STPG2: variants seen among roughly 807,000 people sequenced by gnomAD.
The protein encoded by STPG2 is sperm-tail PG-rich repeat-containing protein 2.
STPG2 carries 56 observed loss-of-function variants against 54.2 expected under a neutral mutation model. The ratio of observed to expected loss-of-function variants is 1.03; its 90% CI spans 0.83 to 1.29. The LOEUF is 1.29. STPG2 is among the 50% of genes most tolerant of loss of function. The pLI, the probability that STPG2 is intolerant of heterozygous loss-of-function variation, is 0.00. For synonymous variants in STPG2, 200 were observed against 181.8 expected (o/e 1.10, Z -0.81); for missense variants, 596 against 544.9 (o/e 1.09, Z -0.93).
chr4:98,066,398 G>T (rs1398227800), intron 5 of STPG2, among the ~76,000 whole-genome samples: 1 of 152,014 alleles, frequency 6.6e-6, no homozygotes, highest in Non-Finnish European at 1.5e-5. Context: ...ATACCAGCCT[G>T]GCCAACATGG....
rs187447522 is a variant in STPG2, at chr4:97,655,563, C to G, written c.1320+57136G>C. On this transcript the variant is annotated intron_variant, in intron 10 of 10. Transcript: ENST00000295268. The stretch of plus-strand genomic sequence containing the variant: ...TGGATGAAGAGATGAAATAAAAGCC[C>G]AAGAAAACATTTCCACTGTTTATCG... Among the ~76,000 whole-genome samples the G allele has an allele frequency of 4.6e-3, 696 of 151,932 alleles. 7 individuals are homozygous for G. The highest frequency in any genetic ancestry group is 0.016 in the African/African-American group (666 of 41,464).
intron 10 of STPG2, among the ~76,000 whole-genome samples, chr4:97,605,393 T>C (rs1733568426): frequency 6.6e-6 from 1 of 151,734 alleles, no homozygotes; most frequent in Non-Finnish European, 1.5e-5. Context: ...ACTATCTCTA[T>C]GAAACATTTA....
chr4:97,528,959 T>C (rs1456263680), intron 4 of STPG2, among the ~76,000 whole-genome samples: 2 of 152,158 alleles, frequency 1.3e-5, no homozygotes, highest in African/African-American at 2.4e-5. Flanking sequence ...CTCTTCCTAT[T>C]TGAATACCCT....
intron 5 of STPG2, chr4:98,025,592 G>C: frequency 1.3e-6 from 1 of 744,584 alleles, no homozygotes; most frequent in South Asian, 1.4e-5. Flanking sequence ...TGCCCATATA[G>C]ACAGGGATAT....
At position 97,617,129 on chromosome 4, in the gene STPG2, AGTGT is replaced by A. The variant is rs34498683; in HGVS notation, c.1321-58016_1321-58013del. ...GTGGACACTTAACTATATAATTTAA[AGTGT>A]GTGTGTGTGTGTGTGTATGTAAATC... On this transcript the variant is annotated intron_variant, in intron 10 of 10. Coordinates refer to ENST00000295268, the MANE Select transcript of STPG2 (RefSeq NM_174952.3). Among the ~76,000 whole-genome samples the A allele has an allele frequency of 4.0e-5, 6 of 149,786 alleles. No individual in the cohort carries two copies. In the East Asian group the frequency reaches 9.9e-4, roughly 25 times the overall value.
chr4:97,594,886 A>G (rs558246381), intron 10 of STPG2, among the ~76,000 whole-genome samples: 9 of 152,216 alleles, frequency 5.9e-5, no homozygotes, highest in African/African-American at 1.9e-4. Context: ...AATGCAAATC[A>G]AAACCACAAG....
chr4:97,967,129 A>G (rs1343568365), intron 7 of STPG2, among the ~76,000 whole-genome samples: 3 of 151,090 alleles, frequency 2.0e-5, no homozygotes, highest in Non-Finnish European at 4.4e-5. Context: ...ACATGCAGAG[A>G]CACACACAGG....
intron 10 of STPG2, among the ~76,000 whole-genome samples, chr4:97,683,538 A>G (rs1264842225): frequency 6.6e-6 from 1 of 151,950 alleles, no homozygotes; most frequent in Non-Finnish European, 1.5e-5. Flanking sequence ...TCATCTCAAT[A>G]TATTCAGAAA....
chr4:97,898,488 T>G (rs1258700283), intron 8 of STPG2, among the ~76,000 whole-genome samples: 1 of 151,736 alleles, frequency 6.6e-6, no homozygotes, highest in African/African-American at 2.4e-5. Context: ...ATAAAATCTG[T>G]GTGAATGTTC....
intron 4 of STPG2, among the ~76,000 whole-genome samples, chr4:97,521,143 T>C (rs1359177193): frequency 2.0e-5 from 3 of 152,062 alleles, no homozygotes; most frequent in Non-Finnish European, 4.4e-5. Flanking sequence ...ATAAAACATA[T>C]CATTTCCTCA....
chr4:97,816,141 A>T (rs1348433915), intron 9 of STPG2, among the ~76,000 whole-genome samples: 1 of 152,036 alleles, frequency 6.6e-6, no homozygotes, highest in Admixed American at 6.6e-5. Context: ...TTTGGTTTTC[A>T]GTTCATGTGT....
chr4:97,932,990 TAA>T (rs1732607831), intron 8 of STPG2, among the ~76,000 whole-genome samples: 1 of 152,228 alleles, frequency 6.6e-6, no homozygotes. Flanking sequence ...ACCAACAGCA[TAA>T]AAGTGTTCCT....
chr4:97,990,805 G>A (rs1212399384), intron 5 of STPG2, among the ~76,000 whole-genome samples: 1 of 152,128 alleles, frequency 6.6e-6, no homozygotes, highest in Non-Finnish European at 1.5e-5. Flanking sequence ...TTTAAAAACT[G>A]AAGTATAATC....
chr4:97,962,422 A>G (rs1172839854), intron 7 of STPG2, among the ~76,000 whole-genome samples: 1 of 152,222 alleles, frequency 6.6e-6, no homozygotes, highest in African/African-American at 2.4e-5. Flanking sequence ...TGTAATACGT[A>G]TACACACAAA....
At chr4:98,044,859 G>A (rs1202211980) in intron 5 of STPG2, among the ~76,000 whole-genome samples, 1 of 152,142 alleles carries the variant, frequency 6.6e-6, no homozygotes, top group Non-Finnish European at 1.5e-5. Flanking sequence ...GACAAGTGAG[G>A]CAAGGGTTGC....
chr4:98,015,729 A>G (rs1248006438), intron 5 of STPG2, among the ~76,000 whole-genome samples: 1 of 152,208 alleles, frequency 6.6e-6, no homozygotes, highest in Non-Finnish European at 1.5e-5. Flanking sequence ...AGGATTATAA[A>G]TCATTCTACT....
chr4:98,100,233 A>C (rs188962924), intron 5 of STPG2, among the ~76,000 whole-genome samples: 62 of 152,336 alleles, frequency 4.1e-4, no homozygotes, highest in Non-Finnish European at 6.9e-4. Context: ...TTCATTCAGA[A>C]AGCATTACTA....
At chr4:97,836,798 TCA>T (rs1338958460) in intron 9 of STPG2, among the ~76,000 whole-genome samples, 1 of 150,798 alleles carries the variant, frequency 6.6e-6, no homozygotes, top group African/African-American at 2.4e-5. Context: ...ATTTACTGTA[TCA>T]CAGCATATAT....
At chr4:97,899,004 C>A (rs529863358) in intron 8 of STPG2, among the ~76,000 whole-genome samples, 7 of 151,534 alleles carry the variant, frequency 4.6e-5, no homozygotes, top group Middle Eastern at 3.4e-3. Context: ...TAAAGGGCAT[C>A]CAAAAGGAAC....
Sources: allele counts gnomAD v4.1 joint callset (sites outside exome capture counted in the v4.1 genomes callset), GRCh38; gene constraint gnomAD v4.1.1; transcripts MANE v1.5; gene names NCBI Gene and HGNC (gene_info 2026-07-23, HGNC 2026-07-21).